The following EXOC6B variants were observed in gnomAD, a reference collection of about 807,000 sequenced individuals.
EXOC6B encodes the protein SEC15 homolog B.
EXOC6B carries 54 observed loss-of-function variants against 113.5 expected under a neutral mutation model. That is an observed-to-expected ratio of 0.48 (90% CI 0.38 to 0.60). EXOC6B has a LOEUF of 0.60. Ranked by LOEUF, EXOC6B falls within the 20% of genes least tolerant of loss-of-function variation. The pLI is 0.00. For missense variants in EXOC6B, 797 were observed against 977.5 expected (o/e 0.82, Z 2.46); for synonymous variants, 357 against 339.0 (o/e 1.05, Z -0.58).
chr2:72,581,291 C>A (rs969749123), intron 6 of EXOC6B, among the ~76,000 whole-genome samples: 1 of 152,040 alleles, frequency 6.6e-6, no homozygotes, highest in Non-Finnish European at 1.5e-5. Flanking sequence ...CTTTGGCAAC[C>A]CACTCCAGTA....
At chr2:72,694,837 T>C (rs546633425) in intron 6 of EXOC6B, among the ~76,000 whole-genome samples, 2 of 152,174 alleles carry the variant, frequency 1.3e-5, no homozygotes, top group African/African-American at 2.4e-5. Flanking sequence ...ATTTTCTCTG[T>C]ATGTCATTTG....
intron 19 of EXOC6B, among the ~76,000 whole-genome samples, chr2:72,376,805 T>C (rs1691388067): frequency 6.6e-6 from 1 of 152,170 alleles, no homozygotes; most frequent in Non-Finnish European, 1.5e-5. Context: ...AATTTTAGCT[T>C]TTTGCTGTAA....
At position 72,573,112 on chromosome 2, in the gene EXOC6B, A is replaced by G. The variant is rs142749161; in HGVS notation, c.846+2380T>C. Among the ~76,000 whole-genome samples the G allele has an allele frequency of 4.0e-3, 614 of 152,324 alleles. 3 individuals are homozygous for G. The highest frequency in any genetic ancestry group is 6.6e-3 in the Non-Finnish European group (452 of 68,028). On this transcript the variant is annotated intron_variant, in intron 7 of 21. Transcript: ENST00000272427. ...AGAAGGAGCATGGCACAAAAATTAA[A>G]AGGAACTTACCCAGGATCTTCAATA... is the stretch of plus-strand genomic sequence containing the variant.
intron 18 of EXOC6B, chr2:72,464,028 G>A (rs986066841): frequency 6.6e-6 from 1 of 152,088 alleles, no homozygotes; most frequent in Non-Finnish European, 1.5e-5. Flanking sequence ...TCCCATTTGC[G>A]AGGCTCTACC....
intron 6 of EXOC6B, among the ~76,000 whole-genome samples, chr2:72,713,116 A>G (rs1679375869): frequency 6.6e-6 from 1 of 152,212 alleles, no homozygotes; most frequent in African/African-American, 2.4e-5. Flanking sequence ...CCCTTTAGTG[A>G]TGTTTTGGCT....
At chr2:72,747,158 C>A (rs1027789432) in intron 1 of EXOC6B, among the ~76,000 whole-genome samples, 1 of 151,958 alleles carries the variant, frequency 6.6e-6, no homozygotes, top group Non-Finnish European at 1.5e-5. Context: ...TTGGAAGAGT[C>A]CCAATTCATT....
intron 6 of EXOC6B, among the ~76,000 whole-genome samples, chr2:72,649,776 C>T (rs1354086434): frequency 2.6e-5 from 4 of 152,090 alleles, no homozygotes; most frequent in African/African-American, 9.7e-5. Flanking sequence ...GTACAGCCAA[C>T]TGATTTTTCC....
chr2:72,534,840 A>G (rs1305726176), intron 8 of EXOC6B, among the ~76,000 whole-genome samples: 1 of 152,102 alleles, frequency 6.6e-6, no homozygotes, highest in East Asian at 1.9e-4. Context: ...ATTCTTTTCT[A>G]TGCAGTTTTT....
chr2:72,819,530 C>T (rs1419521120), intron 1 of EXOC6B, among the ~76,000 whole-genome samples: 1 of 152,040 alleles, frequency 6.6e-6, no homozygotes, highest in Admixed American at 6.5e-5. Context: ...CAAAATAACC[C>T]CTCCCAGGAT....
intron 1 of EXOC6B, among the ~76,000 whole-genome samples, chr2:72,746,221 A>C (rs1311002904): frequency 6.6e-6 from 1 of 152,106 alleles, no homozygotes; most frequent in Admixed American, 6.6e-5. Context: ...TATGGAATAA[A>C]CTGCACCACT....
chr2:72,710,991 A>G (rs1465136263), intron 6 of EXOC6B, among the ~76,000 whole-genome samples: 3 of 152,222 alleles, frequency 2.0e-5, no homozygotes, highest in Admixed American at 1.3e-4. Flanking sequence ...AGGCTCACAC[A>G]GAAATCAGCC....
chr2:72,242,740 CTATT>C lies in EXOC6B; in HGVS notation c.2197-58557_2197-58554del, dbSNP rs370700357. ...CCAATTATATGTTATATATAAGAAACTATTTATTTATAGGCAAGGTCTCACTCTG... is the reference window on the plus strand; with the variant it reads ...CCAATTATATGTTATATATAAGAAACTATTTATAGGCAAGGTCTCACTCTG... On this transcript the variant is annotated intron_variant, in intron 20 of 21. Transcript: ENST00000272427. 1.1e-3 allele frequency among the ~76,000 whole-genome samples: 168 copies of C among 152,158 alleles called. 1 individual carries two copies. The highest frequency in any genetic ancestry group is 3.9e-3 in the African/African-American group (161 of 41,534).
chr2:72,727,359 CA>C, intron 5 of EXOC6B, among the ~76,000 whole-genome samples: 1 of 152,182 alleles, frequency 6.6e-6, no homozygotes, highest in East Asian at 1.9e-4. Flanking sequence ...AAAGCAAGAT[CA>C]TTCTACAGAA....
At chr2:72,333,986 CA>C (rs1688549638) in intron 20 of EXOC6B, among the ~76,000 whole-genome samples, 1 of 151,482 alleles carries the variant, frequency 6.6e-6, no homozygotes, top group Non-Finnish European at 1.5e-5. Context: ...TAAAAGTTTT[CA>C]GAATGCAAAC....
At chr2:72,538,542 A>C (rs1200676349) in intron 8 of EXOC6B, among the ~76,000 whole-genome samples, 1 of 152,150 alleles carries the variant, frequency 6.6e-6, no homozygotes, top group African/African-American at 2.4e-5. Flanking sequence ...TTTGGTGTGT[A>C]TCTTACACTT....
chr2:72,259,337 T>C (rs1203337049), intron 20 of EXOC6B, among the ~76,000 whole-genome samples: 1 of 152,216 alleles, frequency 6.6e-6, no homozygotes, highest in Non-Finnish European at 1.5e-5. Flanking sequence ...TAGAAATGTG[T>C]CCGTGTTGTT....
intron 6 of EXOC6B, among the ~76,000 whole-genome samples, chr2:72,688,552 CA>C (rs1677251994): frequency 6.6e-6 from 1 of 151,410 alleles, no homozygotes; most frequent in African/African-American, 2.4e-5. Flanking sequence ...GGGGCAGGGG[CA>C]GGGGGCAGGA....
chr2:72,501,051 C>T lies in EXOC6B; in HGVS notation c.1168-1079G>A, dbSNP rs540564638. Among the ~76,000 whole-genome samples the T allele has an allele frequency of 3.3e-5, 5 of 152,242 alleles. No individual in the cohort carries two copies. The East Asian group carries it at 9.6e-4, about 29-fold the overall frequency. On this transcript the variant is annotated intron_variant, in intron 11 of 21. Coordinates refer to ENST00000272427, the MANE Select transcript of EXOC6B (RefSeq NM_015189.3). ...TTTCCTTGTAGAATACCACCACTTC[C>T]GCTTCCCCTTCTTTATTTTCAATCT... is the stretch of plus-strand genomic sequence containing the variant.
intron 6 of EXOC6B, among the ~76,000 whole-genome samples, chr2:72,595,313 A>G (rs1423382882): frequency 6.8e-6 from 1 of 147,926 alleles, no homozygotes; most frequent in Non-Finnish European, 1.5e-5. Context: ...ATATATGACA[A>G]TTAATAAGCA....
Sources: allele counts gnomAD v4.1 joint callset (sites outside exome capture counted in the v4.1 genomes callset), GRCh38; gene constraint gnomAD v4.1.1; transcripts MANE v1.5; gene names NCBI Gene and HGNC (gene_info 2026-07-23, HGNC 2026-07-21).